The following ALOX5 variants were observed in gnomAD, a reference collection of about 807,000 sequenced individuals.
ALOX5 encodes arachidonate 5-lipoxygenase.
A neutral mutation model predicts 87.9 loss-of-function variants in ALOX5; 64 were observed. The observed-to-expected ratio is 0.73, with a 90% CI of 0.60 to 0.90. The LOEUF (loss-of-function observed/expected upper bound fraction) is 0.90. Ranked by LOEUF, ALOX5 falls within the 40% of genes least tolerant of loss-of-function variation. The pLI, the probability that ALOX5 is intolerant of heterozygous loss-of-function variation, is 0.00. For synonymous variants in ALOX5, 388 were observed against 355.1 expected (o/e 1.09, Z -1.04); for missense variants, 822 against 907.5 (o/e 0.91, Z 1.21).
chr10:45,388,880 G>A (rs1320943020), intron 2 of ALOX5, among the ~76,000 whole-genome samples: 1 of 152,140 alleles, frequency 6.6e-6, no homozygotes, highest in Non-Finnish European at 1.5e-5. Flanking sequence ...GGCTTCAGAT[G>A]ATCAAACTTC....
intron 2 of ALOX5, among the ~76,000 whole-genome samples, chr10:45,395,414 C>T (rs1018353103): frequency 1.3e-5 from 2 of 152,004 alleles, no homozygotes; most frequent in Admixed American, 6.6e-5. Context: ...AATGAGAACA[C>T]TTGGACACAG....
intron 7 of ALOX5, among the ~76,000 whole-genome samples, chr10:45,429,378 G>A (rs1020366996): frequency 4.6e-5 from 7 of 152,198 alleles, no homozygotes; most frequent in African/African-American, 9.6e-5. Flanking sequence ...AGAGGACACC[G>A]TGGGAGACTG....
rs900909428 is a variant in ALOX5 at position 45,392,399 on chromosome 10, T to C, written c.350-3456T>C. 2.0e-4 allele frequency among the ~76,000 whole-genome samples: 31 copies of C among 151,882 alleles called. 1 individual carries two copies. Among genetic ancestry groups the C allele is most frequent in the African/African-American group, 7.5e-4 (31 of 41,226 alleles). ...TCTGCCTTGGGATCCTGTTGATCTATGACCTTACCCCCAACCCTGTGCTCT... is the reference window on the plus strand; with the variant it reads ...TCTGCCTTGGGATCCTGTTGATCTACGACCTTACCCCCAACCCTGTGCTCT... On this transcript the variant is annotated intron_variant, in intron 2 of 13. Transcript: ENST00000374391.
At chr10:45,422,076 G>C (rs1841524664) in intron 4 of ALOX5, among the ~76,000 whole-genome samples, 1 of 152,164 alleles carries the variant, frequency 6.6e-6, no homozygotes, top group Non-Finnish European at 1.5e-5. Context: ...AAGGATGGAA[G>C]GGGATTGCTG....
chr10:45,414,689 G>T (rs1375881586), intron 4 of ALOX5, among the ~76,000 whole-genome samples: 1 of 152,120 alleles, frequency 6.6e-6, no homozygotes, highest in Non-Finnish European at 1.5e-5. Context: ...AATCTACTCA[G>T]CTGACAAAAG....
intron 4 of ALOX5, among the ~76,000 whole-genome samples, chr10:45,417,978 C>T (rs1044748340): frequency 2.0e-5 from 3 of 152,222 alleles, no homozygotes; most frequent in African/African-American, 7.2e-5. Flanking sequence ...AGAAGTGCTG[C>T]AGCCCACGTT....
intron 6 of ALOX5, 117 bp from the exon 7 acceptor site, chr10:45,428,501 C>T (rs1057184733): frequency 1.5e-6 from 2 of 1,307,954 alleles, no homozygotes; most frequent in African/African-American, 2.9e-5. Context: ...ACATTCTGAG[C>T]TCCGCTGAGT....
In ALOX5 at chr10:45,395,779, G is replaced by A. The variant is rs532903541; in HGVS notation, c.350-76G>A. The A allele has an allele frequency of 5.2e-6, 7 of 1,352,914 alleles. No individual in the cohort carries two copies. The East Asian group carries it at 7.0e-5, about 14-fold the overall frequency. 83.8% of individuals were successfully genotyped at this position (1,352,914 alleles called of 1,614,324 possible). A position where few individuals can be genotyped will look rare whatever the true frequency, so the allele number is the denominator to read the frequency against. ...ACTCGGCATGGGCAGGGCATCTGAG[G>A]GAAGCCTGAACACTTGGCATTGGGC... On this transcript the variant is annotated intron_variant, in intron 2 of 13. Transcript: ENST00000374391.
chr10:45,377,934 A>G (rs1564407486), intron 1 of ALOX5, among the ~76,000 whole-genome samples: 1 of 152,240 alleles, frequency 6.6e-6, no homozygotes, highest in Non-Finnish European at 1.5e-5. Flanking sequence ...AAATCAGCAA[A>G]GTGGCCCCTT....
At chr10:45,404,092 A>G (rs947168712) in intron 3 of ALOX5, among the ~76,000 whole-genome samples, 1 of 152,234 alleles carries the variant, frequency 6.6e-6, no homozygotes, top group Non-Finnish European at 1.5e-5. Context: ...TCTGGGAGCT[A>G]CTTAACATTA....
intron 9 of ALOX5, chr10:45,442,674 G>C (rs1351824209): frequency 4.3e-6 from 1 of 231,638 alleles, no homozygotes; most frequent in Non-Finnish European, 8.3e-6. Context: ...CAATGACTGA[G>C]GGTCGTGTGC....
chr10:45,395,248 C>T (rs1257226601), intron 2 of ALOX5, among the ~76,000 whole-genome samples: 1 of 152,162 alleles, frequency 6.6e-6, no homozygotes, highest in Non-Finnish European at 1.5e-5. Context: ...AAATGTGGCA[C>T]ATATACACCA....
intron 13 of ALOX5, chr10:45,444,723 T>C (rs1023437885): frequency 1.2e-5 from 2 of 167,480 alleles, no homozygotes; most frequent in African/African-American, 4.8e-5. Flanking sequence ...CTGCATAGAA[T>C]GGCCGGACCA....
rs539809961 is a variant in ALOX5, at chr10:45,423,051, C to T, written c.555-990C>T. Among the ~76,000 whole-genome samples the T allele has an allele frequency of 1.6e-3, 251 of 152,330 alleles. 3 individuals carry two copies. Among genetic ancestry groups the T allele is most frequent in the African/African-American group, 4.9e-3 (205 of 41,568 alleles). On this transcript the variant is annotated intron_variant, in intron 4 of 13. Transcript: ENST00000374391. ...TGACCTCGTCTAACCCTAATCACCT[C>T]CCAAAGGCCCCATCTCCTAATGCCA...
chr10:45,379,216 G>C (rs1236823540), intron 1 of ALOX5, among the ~76,000 whole-genome samples: 1 of 152,088 alleles, frequency 6.6e-6, no homozygotes. Context: ...CCTCCCATGA[G>C]AGTGTCCCTG....
chr10:45,395,350 G>T (rs34929604), intron 2 of ALOX5, among the ~76,000 whole-genome samples: 10,226 of 152,044 alleles, frequency 0.067, 461 homozygotes, highest in East Asian at 0.18. Flanking sequence ...GCAAACTATC[G>T]CAAGGACAAA....
intron 1 of ALOX5, among the ~76,000 whole-genome samples, chr10:45,381,654 G>T (rs1839833544): frequency 6.6e-6 from 1 of 152,220 alleles, no homozygotes; most frequent in Non-Finnish European, 1.5e-5. Flanking sequence ...CGCAGGTGCA[G>T]GCATGAGCCT....
At chr10:45,427,123 A>C (rs1841734850) in intron 6 of ALOX5, among the ~76,000 whole-genome samples, 1 of 152,182 alleles carries the variant, frequency 6.6e-6, no homozygotes, top group Non-Finnish European at 1.5e-5. Flanking sequence ...AGAAATATGA[A>C]AGGGAGGCTT....
At position 45,425,146 on chromosome 10, in the gene ALOX5, G is replaced by A. The variant is rs1223620308; in HGVS notation, c.834+14G>A. The A allele has an allele frequency of 6.2e-7, 1 of 1,609,530 alleles. No individual in the cohort carries two copies. ...CAGGAGGTCCAGGTAGGGGTTGATG[G>A]GCTGGGGAAGTGGCCAAGGTCACAG... is the stretch of plus-strand genomic sequence containing the variant. On this transcript the variant is annotated intron_variant, in intron 6 of 13. Coordinates refer to ENST00000374391, the MANE Select transcript of ALOX5 (RefSeq NM_000698.5). The surrounding 1 kb of genome is among the most constrained non-coding windows in gnomAD (Gnocchi z 4.4).
Sources: gnomAD v4.1 joint callset for allele counts (sites outside exome capture counted in the v4.1 genomes callset) on GRCh38, gnomAD v4.1.1 for gene constraint, Gnocchi (gnomAD v3.1) non-coding constraint, MANE v1.5 for transcripts, NCBI Gene and HGNC (gene_info 2026-07-23, HGNC 2026-07-21) for gene names.